The following PARN variants were observed in gnomAD, a reference collection of about 807,000 sequenced individuals.
The protein encoded by PARN is poly(A)-specific ribonuclease.
PARN carries 71 observed loss-of-function variants against 102.8 expected under a neutral mutation model. The ratio of observed to expected loss-of-function variants is 0.69; its 90% CI spans 0.57 to 0.84. PARN has a LOEUF of 0.84. Among genes scored for constraint, PARN ranks in the 40% least tolerant of loss-of-function variants. PARN has a pLI of 0.00. For synonymous variants in PARN, 261 were observed against 252.9 expected (o/e 1.03, Z -0.30); for missense variants, 782 against 760.9 (o/e 1.03, Z -0.33).
intron 17 of PARN, 129 bp from the exon 18 acceptor site, chr16:14,581,072 G>A: frequency 1.8e-6 from 1 of 557,120 alleles, no homozygotes; most frequent in East Asian, 2.7e-5. Flanking sequence ...TTTTTTTTGA[G>A]TCAGAGTTTC....
At chr16:14,487,859 G>A (rs751602529) in intron 21 of PARN, among the ~76,000 whole-genome samples, 2 of 152,086 alleles carry the variant, frequency 1.3e-5, no homozygotes, top group African/African-American at 4.8e-5. Context: ...GCACAGAACT[G>A]TACACCAAAG....
intron 22 of PARN, among the ~76,000 whole-genome samples, chr16:14,472,551 G>C (rs761628215): frequency 2.6e-5 from 4 of 152,220 alleles, no homozygotes; most frequent in African/African-American, 7.2e-5. Context: ...AACTGGCAAA[G>C]AGGAGGGAAA....
chr16:14,551,579 C>T (rs980333968), intron 21 of PARN, among the ~76,000 whole-genome samples: 7 of 151,986 alleles, frequency 4.6e-5, no homozygotes, highest in Admixed American at 6.6e-5. Flanking sequence ...AAAACAACAA[C>T]AACAATGACA....
At chr16:14,554,373 C>T (rs539766089) in intron 19 of PARN, among the ~76,000 whole-genome samples, 8 of 152,210 alleles carry the variant, frequency 5.3e-5, no homozygotes, top group Non-Finnish European at 1.2e-4. Flanking sequence ...AACTTGAACC[C>T]AATGCAAAGG....
At chr16:14,466,057 C>G (rs1393202379) in intron 22 of PARN, among the ~76,000 whole-genome samples, 2 of 151,992 alleles carry the variant, frequency 1.3e-5, no homozygotes, top group Non-Finnish European at 2.9e-5. Context: ...AGGCTTAGTA[C>G]CTGGGTGACG....
intron 7 of PARN, among the ~76,000 whole-genome samples, chr16:14,609,712 G>C (rs1265409023): frequency 6.6e-6 from 1 of 152,190 alleles, no homozygotes; most frequent in East Asian, 1.9e-4. Context: ...CAGTAAAATG[G>C]TTACACCAAC....
chr16:14,586,236 C>A, intron 14 of PARN, 82 bp downstream of exon 14: 1 of 788,172 alleles, frequency 1.3e-6, no homozygotes, highest in South Asian at 1.5e-5. Flanking sequence ...CTCAGTCTCC[C>A]AAAGTGGTGG....
At chr16:14,485,563 G>A (rs917695460) in intron 21 of PARN, among the ~76,000 whole-genome samples, 1 of 152,040 alleles carries the variant, frequency 6.6e-6, no homozygotes, top group Non-Finnish European at 1.5e-5. Context: ...ATCTATCAAT[G>A]TGGACATATG....
intron 13 of PARN, among the ~76,000 whole-genome samples, chr16:14,593,000 G>A (rs1226107646): frequency 6.6e-6 from 1 of 152,118 alleles, no homozygotes; most frequent in Non-Finnish European, 1.5e-5. Flanking sequence ...GCTGGGCGTG[G>A]TGACGGGTGC....
intron 22 of PARN, among the ~76,000 whole-genome samples, chr16:14,452,616 C>T (rs1361590387): frequency 5.3e-5 from 8 of 152,182 alleles, no homozygotes; most frequent in East Asian, 1.9e-4. Context: ...GGATTACAGG[C>T]GTGAGCCACC....
chr16:14,570,095 C>T (rs1046000838), intron 18 of PARN, among the ~76,000 whole-genome samples: 1 of 152,008 alleles, frequency 6.6e-6, no homozygotes, highest in Non-Finnish European at 1.5e-5. Flanking sequence ...AATCCCAGCA[C>T]TTTGACAGGC....
intron 18 of PARN, among the ~76,000 whole-genome samples, chr16:14,560,695 C>T (rs1968000119): frequency 6.6e-6 from 1 of 152,188 alleles, no homozygotes; most frequent in African/African-American, 2.4e-5. Flanking sequence ...GCACAGCATA[C>T]CAGGATCTTT....
chr16:14,622,633 T>C (rs572396634), intron 5 of PARN, among the ~76,000 whole-genome samples: 3 of 152,160 alleles, frequency 2.0e-5, no homozygotes, highest in Admixed American at 1.3e-4. Flanking sequence ...GCCTCCCGAG[T>C]AGCTGGGACT....
chr16:14,561,239 T>C lies in PARN; in HGVS notation c.1263-5530A>G, dbSNP rs537944352. 2.3e-4 allele frequency among the ~76,000 whole-genome samples: 35 copies of C among 152,094 alleles called. 2 individuals carry two copies. In the South Asian group the frequency reaches 6.9e-3, roughly 30 times the overall value. Reference sequence around the variant, plus strand: ...GAAGGCTCATTAGTTACTGAAGAATTTCATTTCAGATATATAACTCTAGAA... The same window carrying C: ...GAAGGCTCATTAGTTACTGAAGAATCTCATTTCAGATATATAACTCTAGAA... On this transcript the variant is annotated intron_variant, in intron 18 of 23. Transcript: ENST00000437198.
At position 14,628,190 on chromosome 16, in the gene PARN, C is replaced by T; in HGVS notation, c.159G>A (p.Arg53=). 1 of 1,597,194 alleles carries T rather than the reference C, an allele frequency of 6.3e-7. No homozygotes were observed. The highest frequency in any genetic ancestry group is 8.6e-7 in the Non-Finnish European group (1 of 1,165,322). The part of the protein sequence containing the change: ...LTNGFDTPEE[R]YQKLKKHSMD... Reference sequence around the variant, plus strand: ...CACTTGCCTTTTTAAGCTTCTGATACCTCTCTTCTGGAGTGTCAAAACCAT... The same window carrying T: ...CACTTGCCTTTTTAAGCTTCTGATATCTCTCTTCTGGAGTGTCAAAACCAT... The change falls in exon 3 of 24, where the codon AGG becomes AGA. Residue 53 remains arginine (R), a synonymous_variant. Coordinates refer to ENST00000437198, the MANE Select transcript of PARN (RefSeq NM_002582.4).
intron 18 of PARN, among the ~76,000 whole-genome samples, chr16:14,558,847 G>C (rs1967869893): frequency 1.3e-5 from 2 of 151,994 alleles, no homozygotes; most frequent in South Asian, 2.1e-4. Context: ...GGGAAACTTT[G>C]AGCTTTGTTT....
intron 22 of PARN, among the ~76,000 whole-genome samples, chr16:14,454,821 T>C (rs749305666): frequency 1.3e-5 from 2 of 152,258 alleles, no homozygotes; most frequent in African/African-American, 4.8e-5. Context: ...TTACATGTTG[T>C]TGAATAATGA....
chr16:14,554,493 C>A (rs892972429), intron 19 of PARN, among the ~76,000 whole-genome samples: 2 of 151,550 alleles, frequency 1.3e-5, no homozygotes, highest in African/African-American at 4.8e-5. Flanking sequence ...TACAGTGGCA[C>A]AATAATAGCT....
intron 12 of PARN, among the ~76,000 whole-genome samples, chr16:14,593,824 C>T (rs915215541): frequency 6.6e-6 from 1 of 151,924 alleles, no homozygotes; most frequent in African/African-American, 2.4e-5. Flanking sequence ...TGGCGAAATC[C>T]CATCTCTACT....
Sources: allele counts gnomAD v4.1 joint callset (sites outside exome capture counted in the v4.1 genomes callset), GRCh38; gene constraint gnomAD v4.1.1; transcripts MANE v1.5; gene names NCBI Gene and HGNC (gene_info 2026-07-23, HGNC 2026-07-21).